The following TBC1D22A variants were observed in gnomAD, a reference collection of about 807,000 sequenced individuals.
TBC1D22A encodes putative GTPase activator.
Under a neutral mutation model 60.2 loss-of-function variants are expected in TBC1D22A, and 38 were observed. The observed-to-expected ratio is 0.63, with a 90% CI of 0.49 to 0.83. The LOEUF (loss-of-function observed/expected upper bound fraction) is 0.83, where lower values mean the gene tolerates loss of function less well. TBC1D22A is among the 40% of genes least tolerant of loss of function. TBC1D22A has a pLI of 0.00. For synonymous variants in TBC1D22A, 302 were observed against 281.7 expected, an observed-to-expected ratio of 1.07 and a Z score of -0.72; for missense variants, 628 against 701.0, an observed-to-expected ratio of 0.90 and a Z score of 1.18.
intron 12 of TBC1D22A, among the ~76,000 whole-genome samples, chr22:47,150,126 G>A (rs953298031): frequency 7.2e-5 from 11 of 152,274 alleles, no homozygotes; most frequent in Admixed American, 7.2e-4. Context: ...AGTCCATGAG[G>A]AAAGGATAGC....
Position 46,968,905 on chromosome 22 carries a change from C to T in TBC1D22A, c.1016-5385C>T, listed in dbSNP as rs537794066. On this transcript the variant is annotated intron_variant, in intron 8 of 12. Transcript: ENST00000337137. Reference sequence around the variant, plus strand: ...AAAAACTTAGCTTTGTTTACCTACCCACCATTCATCCACCCGTCTACCCAT... The same window carrying T: ...AAAAACTTAGCTTTGTTTACCTACCTACCATTCATCCACCCGTCTACCCAT... Among the ~76,000 whole-genome samples, 6 of 152,312 alleles carry T rather than the reference C, an allele frequency of 3.9e-5. No individual in the cohort carries two copies. In the East Asian group the frequency reaches 1.2e-3, roughly 29 times the overall value.
chr22:47,014,530 G>A lies in TBC1D22A; in HGVS notation c.1201+16821G>A, dbSNP rs374119547. Among the ~76,000 whole-genome samples the A allele has an allele frequency of 1.9e-3, 289 of 152,288 alleles. 4 individuals carry two copies. The highest frequency in any genetic ancestry group is 6.7e-3 in the African/African-American group (278 of 41,582). ...GGGGCAGCTCCCTCCAGTGCTCAGCGCTCACTGCTCGTTAAGCCTACTGTC... is the reference window on the plus strand; with the variant it reads ...GGGGCAGCTCCCTCCAGTGCTCAGCACTCACTGCTCGTTAAGCCTACTGTC... On this transcript the variant is annotated intron_variant, in intron 10 of 12. Transcript: ENST00000337137.
chr22:47,145,851 T>C (rs1251788183), intron 12 of TBC1D22A, among the ~76,000 whole-genome samples: 1 of 151,786 alleles, frequency 6.6e-6, no homozygotes, highest in African/African-American at 2.4e-5. Context: ...GTCAGCGGAG[T>C]GGATTATCTG....
chr22:47,076,378 TATACACACAC>T (rs771400313), intron 11 of TBC1D22A, among the ~76,000 whole-genome samples: 3 of 106,718 alleles, frequency 2.8e-5, no homozygotes, highest in African/African-American at 8.1e-5. Context: ...TATATATATA[TATACACACAC>T]ACACACACAC....
Position 47,111,589 on chromosome 22 carries a change from G to A in TBC1D22A, c.1411G>A (p.Glu471Lys), listed in dbSNP as rs542380822. The change falls in exon 12 of 13, where the codon GAA becomes AAA. Residue 471 changes from glutamate to lysine, a missense_variant. Glu to Lys is a moderately conservative substitution (Grantham distance 56). Coordinates refer to ENST00000337137, the MANE Select transcript of TBC1D22A (RefSeq NM_014346.5). ...GAGATGGAGGAAGGAAATACTAGAA[G>A]AAAAAGATTTTCAAGTAAGTAAATG... is the stretch of plus-strand genomic sequence containing the variant. ...LVRWRKEILEEKDFQELLLFL... is the reference protein window; with the variant it reads ...LVRWRKEILEKKDFQELLLFL... 1 of 1,613,552 alleles carries A rather than the reference G, an allele frequency of 6.2e-7. No homozygotes were observed. The highest frequency in any genetic ancestry group is 8.5e-7 in the Non-Finnish European group (1 of 1,179,844).
In TBC1D22A at chr22:46,919,056, T is replaced by A. The variant is rs536847041; in HGVS notation, c.1015+6868T>A. 6.6e-5 allele frequency among the ~76,000 whole-genome samples: 10 copies of A among 152,332 alleles called. No homozygotes were observed. In the South Asian group the frequency reaches 2.1e-3, roughly 32 times the overall value. ...TTAGAGTGTAAAGTTGAAAGATTTT[T>A]AGAATATTTAGAGTAGTGTAACCAT... On this transcript the variant is annotated intron_variant, in intron 8 of 12. Coordinates refer to ENST00000337137, the MANE Select transcript of TBC1D22A (RefSeq NM_014346.5).
chr22:47,110,451 C>T (rs1186175118), intron 11 of TBC1D22A, among the ~76,000 whole-genome samples: 1 of 152,128 alleles, frequency 6.6e-6, no homozygotes, highest in Non-Finnish European at 1.5e-5. Context: ...TACCCTCCAG[C>T]CTGGGCAACA....
chr22:47,052,385 G>A (rs1227769205), intron 11 of TBC1D22A, among the ~76,000 whole-genome samples: 2 of 152,184 alleles, frequency 1.3e-5, no homozygotes, highest in Admixed American at 6.5e-5. Context: ...CGAGCCTGGG[G>A]ATGCCTGGGA....
At chr22:46,774,336 AT>A in intron 1 of TBC1D22A, 1 of 853,448 alleles carries the variant, frequency 1.2e-6, no homozygotes. Context: ...GGCTCTTCCC[AT>A]TTCTGGGCCC....
intron 8 of TBC1D22A, among the ~76,000 whole-genome samples, chr22:46,967,223 C>T (rs372894475): frequency 1.1e-4 from 16 of 152,286 alleles, no homozygotes; most frequent in East Asian, 9.6e-4. Context: ...TTGATCATAA[C>T]GTTAGTTGTT....
At chr22:46,942,888 A>G (rs991009113) in intron 8 of TBC1D22A, among the ~76,000 whole-genome samples, 1 of 152,222 alleles carries the variant, frequency 6.6e-6, no homozygotes, top group Non-Finnish European at 1.5e-5. Flanking sequence ...TCAGGGCTTG[A>G]CTAGGAGAGA....
At chr22:47,124,527 G>A (rs2066383700) in intron 12 of TBC1D22A, among the ~76,000 whole-genome samples, 1 of 152,238 alleles carries the variant, frequency 6.6e-6, no homozygotes, top group South Asian at 2.1e-4. Context: ...TCTATGGGGA[G>A]GGGACCTGCC....
At position 46,955,565 on chromosome 22, in the gene TBC1D22A, T is replaced by G. The variant is rs552948688; in HGVS notation, c.1016-18725T>G. ...AGCCATTTCTTATGTTCGGGAAGAT[T>G]AATAAATTAAAATTCTTTCTTTTAG... On this transcript the variant is annotated intron_variant, in intron 8 of 12. Coordinates refer to ENST00000337137, the MANE Select transcript of TBC1D22A (RefSeq NM_014346.5). 3.3e-5 allele frequency among the ~76,000 whole-genome samples: 5 copies of G among 152,344 alleles called. No homozygotes were observed. The South Asian group carries it at 6.2e-4, about 19-fold the overall frequency.
intron 5 of TBC1D22A, among the ~76,000 whole-genome samples, chr22:46,881,554 C>T (rs946672450): frequency 6.6e-6 from 1 of 152,146 alleles, no homozygotes; most frequent in African/African-American, 2.4e-5. Context: ...TGTGGACAGG[C>T]GTGTGGCAGG....
chr22:46,800,580 C>T (rs752636136), intron 4 of TBC1D22A, among the ~76,000 whole-genome samples: 1 of 152,118 alleles, frequency 6.6e-6, no homozygotes, highest in African/African-American at 2.4e-5. Flanking sequence ...TGACCTTGAG[C>T]CAGCTTGGTG....
intron 12 of TBC1D22A, among the ~76,000 whole-genome samples, chr22:47,120,351 T>C (rs1235498743): frequency 1.3e-5 from 2 of 152,248 alleles, no homozygotes; most frequent in Non-Finnish European, 2.9e-5. Context: ...CGATTTCTTC[T>C]GTTTTTGTAA....
intron 12 of TBC1D22A, among the ~76,000 whole-genome samples, chr22:47,167,794 C>G (rs891434239): frequency 6.6e-6 from 1 of 152,088 alleles, no homozygotes; most frequent in African/African-American, 2.4e-5. Flanking sequence ...CAGAAGGAAC[C>G]AGTTGAAAGA....
intron 4 of TBC1D22A, among the ~76,000 whole-genome samples, chr22:46,875,399 G>A (rs138415370): frequency 1.3e-5 from 2 of 152,256 alleles, no homozygotes; most frequent in South Asian, 2.1e-4. Context: ...GGCCAAGAAC[G>A]ACTAGAAAAG....
At chr22:47,150,065 T>TA in intron 12 of TBC1D22A, among the ~76,000 whole-genome samples, 1 of 152,252 alleles carries the variant, frequency 6.6e-6, no homozygotes, top group East Asian at 1.9e-4. Flanking sequence ...CCTCTGGTCT[T>TA]ACTGTTCCTG....
Sources: allele counts gnomAD v4.1 joint callset (sites outside exome capture counted in the v4.1 genomes callset), GRCh38; gene constraint gnomAD v4.1.1; transcripts MANE v1.5; gene names NCBI Gene and HGNC (gene_info 2026-07-23, HGNC 2026-07-21).